The following PRKCE variants were observed in gnomAD, a reference collection of about 807,000 sequenced individuals.
PRKCE encodes the protein protein kinase C epsilon.
In PRKCE, 16 loss-of-function variants were observed where a neutral mutation model predicts 85.4. That is an observed-to-expected ratio of 0.19 (90% CI 0.13 to 0.28). The LOEUF (loss-of-function observed/expected upper bound fraction) is 0.28. PRKCE is among the 10% of genes least tolerant of loss of function. PRKCE has a pLI of 1.00. For missense variants in PRKCE, 573 were observed against 975.2 expected (o/e 0.59, Z 5.49); for synonymous variants, 388 against 371.5 (o/e 1.04, Z -0.51).
At chr2:45,659,218 G>A (rs1384351013) in intron 1 of PRKCE, among the ~76,000 whole-genome samples, 2 of 151,966 alleles carry the variant, frequency 1.3e-5, no homozygotes, top group Non-Finnish European at 2.9e-5. Flanking sequence ...CTCAATCTAA[G>A]CCCTTCTTCC....
At chr2:46,054,129 G>C (rs1666336359) in intron 10 of PRKCE, among the ~76,000 whole-genome samples, 1 of 152,206 alleles carries the variant, frequency 6.6e-6, no homozygotes, top group Admixed American at 6.5e-5. Context: ...AGCAGGCTGT[G>C]TCCCTGGCAC....
In PRKCE at chr2:45,831,965, T is replaced by G. The variant is rs535107258; in HGVS notation, c.349-11035T>G. 3.3e-5 allele frequency among the ~76,000 whole-genome samples: 5 copies of G among 152,228 alleles called. No homozygotes were observed. The East Asian group carries it at 9.6e-4, about 29-fold the overall frequency. ...AAAGAAAAAAGATCTTATCCTTTAT[T>G]TTATTTTTGTATGTATATTTAAACT... On this transcript the variant is annotated intron_variant, in intron 1 of 14. Transcript: ENST00000306156.
At chr2:46,130,922 C>G (rs150385696) in intron 11 of PRKCE, among the ~76,000 whole-genome samples, 3 of 152,228 alleles carry the variant, frequency 2.0e-5, no homozygotes, top group Non-Finnish European at 2.9e-5. Flanking sequence ...TGACCTGAAT[C>G]ATAATTGAGA....
intron 6 of PRKCE, among the ~76,000 whole-genome samples, chr2:45,998,802 G>A (rs6735880): frequency 0.081 from 12,387 of 152,032 alleles, 1,161 homozygotes; most frequent in African/African-American, 0.23. Context: ...TAATATGTTC[G>A]TATTGTTTCT....
At chr2:45,725,544 A>G (rs1486112576) in intron 1 of PRKCE, among the ~76,000 whole-genome samples, 6 of 152,206 alleles carry the variant, frequency 3.9e-5, no homozygotes, top group African/African-American at 1.4e-4. Context: ...AGGATTCACC[A>G]TTCTAGATGC....
intron 2 of PRKCE, among the ~76,000 whole-genome samples, chr2:45,935,763 C>T (rs914227269): frequency 5.9e-4 from 86 of 145,406 alleles, no homozygotes; most frequent in African/African-American, 2.1e-3. Flanking sequence ...CCAGCCCACA[C>T]GACAAAGTGA....
chr2:45,656,733 A>G (rs967513584), intron 1 of PRKCE, among the ~76,000 whole-genome samples: 3 of 152,234 alleles, frequency 2.0e-5, no homozygotes, highest in Admixed American at 6.5e-5. Flanking sequence ...CTGGGAATCT[A>G]CATTTTTAAC....
At chr2:46,021,924 T>C (rs1287337004) in intron 10 of PRKCE, among the ~76,000 whole-genome samples, 1 of 152,160 alleles carries the variant, frequency 6.6e-6, no homozygotes, top group Non-Finnish European at 1.5e-5. Flanking sequence ...GGGCCTTTCA[T>C]AGGGAGCTTC....
intron 2 of PRKCE, among the ~76,000 whole-genome samples, chr2:45,898,622 T>C (rs1696331840): frequency 6.6e-6 from 1 of 152,192 alleles, no homozygotes; most frequent in South Asian, 2.1e-4. Context: ...AAGCACTATA[T>C]AAAACATGAA....
chr2:45,927,999 G>A (rs560832774), intron 2 of PRKCE, among the ~76,000 whole-genome samples: 26 of 152,236 alleles, frequency 1.7e-4, no homozygotes, highest in African/African-American at 6.3e-4. Context: ...ATGAGCCCAG[G>A]GCCGAGGAAG....
chr2:45,999,839 A>G (rs1704523671), intron 6 of PRKCE, among the ~76,000 whole-genome samples: 1 of 152,114 alleles, frequency 6.6e-6, no homozygotes, highest in African/African-American at 2.4e-5. Context: ...TGCTATGGAT[A>G]TATCCTGAAG....
chr2:45,764,012 A>G (rs549334784), intron 1 of PRKCE, among the ~76,000 whole-genome samples: 50 of 152,310 alleles, frequency 3.3e-4, no homozygotes, highest in African/African-American at 1.2e-3. Flanking sequence ...GATTTTTAGT[A>G]TCAACCACAG....
chr2:45,662,354 T>C (rs753463281), intron 1 of PRKCE, among the ~76,000 whole-genome samples: 10 of 152,174 alleles, frequency 6.6e-5, no homozygotes, highest in Non-Finnish European at 1.2e-4. Context: ...TCTGTAAAAT[T>C]ACAACCGAGA....
intron 14 of PRKCE, among the ~76,000 whole-genome samples, chr2:46,180,823 C>T (rs765625078): frequency 2.0e-5 from 3 of 152,210 alleles, no homozygotes; most frequent in South Asian, 2.1e-4. Flanking sequence ...AACTTCACAG[C>T]GTCAATAACC....
At chr2:46,114,301 G>A (rs1388042031) in intron 11 of PRKCE, among the ~76,000 whole-genome samples, 4 of 152,076 alleles carry the variant, frequency 2.6e-5, no homozygotes, top group Non-Finnish European at 5.9e-5. Flanking sequence ...GCGATCAGGG[G>A]GGCTTTGTGG....
chr2:45,965,151 C>G (rs192428423), intron 2 of PRKCE, among the ~76,000 whole-genome samples: 2 of 152,316 alleles, frequency 1.3e-5, no homozygotes, highest in Admixed American at 1.3e-4. Context: ...ATCGAATAAT[C>G]TCTCTGAGGG....
At chr2:45,710,690 G>C (rs1679549949) in intron 1 of PRKCE, among the ~76,000 whole-genome samples, 1 of 152,230 alleles carries the variant, frequency 6.6e-6, no homozygotes, top group South Asian at 2.1e-4. Context: ...GGGACTGGCT[G>C]TCACAGGGAT....
intron 2 of PRKCE, among the ~76,000 whole-genome samples, chr2:45,942,422 G>A (rs1699950507): frequency 6.6e-6 from 1 of 152,328 alleles, no homozygotes; most frequent in Non-Finnish European, 1.5e-5. Flanking sequence ...GAAATCCATT[G>A]AGAGGATATA....
intron 2 of PRKCE, among the ~76,000 whole-genome samples, chr2:45,889,336 A>C (rs868560588): frequency 6.6e-6 from 1 of 152,246 alleles, no homozygotes; most frequent in East Asian, 1.9e-4. Flanking sequence ...AGTGATGAGA[A>C]CTGCACCAGG....
Sources: allele counts gnomAD v4.1 joint callset (sites outside exome capture counted in the v4.1 genomes callset), GRCh38; gene constraint gnomAD v4.1.1; transcripts MANE v1.5; gene names NCBI Gene and HGNC (gene_info 2026-07-23, HGNC 2026-07-21).